The following PCDHGA5 variants were observed in gnomAD, a reference collection of about 807,000 sequenced individuals.
PCDHGA5 encodes the protein protocadherin gamma-A5.
PCDHGA5 carries 36 observed loss-of-function variants against 56.7 expected under a neutral mutation model. The ratio of observed to expected loss-of-function variants is 0.64; its 90% confidence interval spans 0.49 to 0.84. PCDHGA5 has a LOEUF of 0.84. Ranked by LOEUF, PCDHGA5 falls within the 40% of genes least tolerant of loss-of-function variation. The pLI, the probability that PCDHGA5 is intolerant of heterozygous loss-of-function variation, is 0.00. For missense variants in PCDHGA5, 1,305 were observed against 1,201.5 expected (o/e 1.09, Z -1.27); for synonymous variants, 563 against 520.2 (o/e 1.08, Z -1.12).
At chr5:141,410,516 C>T in intron 1 of PCDHGA5, 2 of 1,613,910 alleles carry the variant, frequency 1.2e-6, no homozygotes, top group Middle Eastern at 1.6e-4. Context: ...ATGCAGTGTG[C>T]CCCTACATTC....
intron 1 of PCDHGA5, chr5:141,419,497 G>A (rs1357823931): frequency 6.2e-7 from 1 of 1,612,390 alleles, no homozygotes; most frequent in South Asian, 1.1e-5. Context: ...GCGCCAATGT[G>A]AGCCTGCGCG....
At position 141,365,603 on chromosome 5, in the gene PCDHGA5, A is replaced by G. The variant is rs1198770505; in HGVS notation, c.1273A>G (p.Met425Val). The G allele has an allele frequency of 3.1e-6, 5 of 1,613,602 alleles. No individual in the cohort carries two copies. Among genetic ancestry groups the G allele is most frequent in the Non-Finnish European group, 3.4e-6 (4 of 1,179,896 alleles). ...AGATTATAATATCACTTTAACCGTC[A>G]TGGACCATGGAACCCCGCCCCTCTC... ...TSDYNITLTVMDHGTPPLSTE... is the reference protein window; with the variant it reads ...TSDYNITLTVVDHGTPPLSTE... The change falls in exon 1 of 4, where the codon ATG becomes GTG. Residue 425 changes from methionine to valine, a missense_variant. Coordinates refer to ENST00000518069, the MANE Select transcript of PCDHGA5 (RefSeq NM_018918.3).
At chr5:141,459,814 T>A (rs757306281) in intron 1 of PCDHGA5, among the ~76,000 whole-genome samples, 2 of 152,256 alleles carry the variant, frequency 1.3e-5, no homozygotes, top group African/African-American at 4.8e-5. Context: ...CTAGAGACAC[T>A]GAGCAACTTT....
At chr5:141,499,127 A>G (rs1198571084) in intron 2 of PCDHGA5, among the ~76,000 whole-genome samples, 1 of 152,134 alleles carries the variant, frequency 6.6e-6, no homozygotes, top group Non-Finnish European at 1.5e-5. Flanking sequence ...TTCTCAGGTC[A>G]TCCTTTGGGT....
Position 141,487,686 on chromosome 5 carries a change from T to G in PCDHGA5, c.2422-7121T>G, listed in dbSNP as rs778973495. The G allele has an allele frequency of 4.4e-6, 7 of 1,605,914 alleles. 1 individual carries two copies. The African/African-American group carries it at 9.4e-5, about 21-fold the overall frequency. On this transcript the variant is annotated intron_variant, in intron 1 of 3. Coordinates refer to ENST00000518069, the MANE Select transcript of PCDHGA5 (RefSeq NM_018918.3). The surrounding 1 kb of genome is among the most constrained non-coding windows in gnomAD (Gnocchi z 5.0). Reference sequence around the variant, plus strand: ...CCAGGCATATGGCTAGGCCATGTCCTAGAGAGTACTGGCCTCTCAGTAAGT... The same window carrying G: ...CCAGGCATATGGCTAGGCCATGTCCGAGAGAGTACTGGCCTCTCAGTAAGT...
At chr5:141,371,256 G>A in intron 1 of PCDHGA5, 2 of 1,614,052 alleles carry the variant, frequency 1.2e-6, no homozygotes, top group East Asian at 2.2e-5. Context: ...TGGCAAGGAA[G>A]TGAGACAACT....
chr5:141,371,119 T>A lies in PCDHGA5; in HGVS notation c.2421+4368T>A, dbSNP rs567260577. 2.4e-4 allele frequency: 393 copies of A among 1,613,958 alleles called. 4 individuals are homozygous for A. The South Asian group carries it at 3.8e-3, about 16-fold the overall frequency. ...GATGCAAATGATAACCCCCCAGTAT[T>A]TACTCAGGACATGTACAGGGTCAAT... On this transcript the variant is annotated intron_variant, in intron 1 of 3. Coordinates refer to ENST00000518069, the MANE Select transcript of PCDHGA5 (RefSeq NM_018918.3).
At chr5:141,433,208 CTTT>C (rs745329085) in intron 1 of PCDHGA5, 6 of 1,292,918 alleles carry the variant, frequency 4.6e-6, no homozygotes, top group East Asian at 2.6e-5. Flanking sequence ...AATCTTCTTT[CTTT>C]TTTTTTTTTA....
intron 1 of PCDHGA5, among the ~76,000 whole-genome samples, chr5:141,401,929 G>C (rs2094209014): frequency 6.6e-6 from 1 of 152,122 alleles, no homozygotes; most frequent in Non-Finnish European, 1.5e-5. Context: ...GTGATGCTTA[G>C]AATAATGTTT....
chr5:141,427,978 T>C (rs750753961), intron 1 of PCDHGA5: 1 of 1,595,484 alleles, frequency 6.3e-7, no homozygotes, highest in African/African-American at 1.3e-5. Flanking sequence ...TACCCCGCGC[T>C]GGGGCCCGAT....
At chr5:141,458,651 C>T (rs924873907) in intron 1 of PCDHGA5, among the ~76,000 whole-genome samples, 1 of 152,114 alleles carries the variant, frequency 6.6e-6, no homozygotes. Context: ...CTCACTGCAA[C>T]CTCCACCTCT....
Position 141,409,934 on chromosome 5 carries a change from G to A in PCDHGA5, c.2421+43183G>A. The A allele has an allele frequency of 1.9e-6, 3 of 1,613,362 alleles. No individual in the cohort carries two copies. Among genetic ancestry groups the A allele is most frequent in the South Asian group, 2.2e-5 (2 of 91,074 alleles). On this transcript the variant is annotated intron_variant, in intron 1 of 3. Transcript: ENST00000518069. ...TGACGGCTCCGCGTTCTTCGATATG[G>A]TACCTCGCTCTGCAGAGCCCGGCTA...
intron 1 of PCDHGA5, chr5:141,399,285 C>G (rs751998465): frequency 6.2e-7 from 1 of 1,613,838 alleles, no homozygotes; most frequent in Non-Finnish European, 8.5e-7. Flanking sequence ...AAGGCGAAGT[C>G]CCTTTTAAGA....
rs2099629299 is a variant in PCDHGA5, at chr5:141,486,426, A to G, written c.2422-8381A>G. ...GCTGGACCCTTGGATCGAGAGGCCA[A>G]ATCTAGCTATGACATCATGGTCACT... On this transcript the variant is annotated intron_variant, in intron 1 of 3. Transcript: ENST00000518069. The surrounding 1 kb of genome is among the most constrained non-coding windows in gnomAD (Gnocchi z 5.0). 1.9e-6 allele frequency: 3 copies of G among 1,614,190 alleles called. No individual in the cohort carries two copies. Among genetic ancestry groups the G allele is most frequent in the Non-Finnish European group, 2.5e-6 (3 of 1,180,026 alleles).
At chr5:141,413,306 A>G in intron 1 of PCDHGA5, 1 of 1,613,958 alleles carries the variant, frequency 6.2e-7, no homozygotes, top group Non-Finnish European at 8.5e-7. Context: ...GAGGAATTAG[A>G]GAAAGGCTCT....
intron 2 of PCDHGA5, among the ~76,000 whole-genome samples, chr5:141,495,700 T>A (rs2099763052): frequency 6.6e-6 from 1 of 152,228 alleles, no homozygotes; most frequent in Non-Finnish European, 1.5e-5. Flanking sequence ...GCTCAATAAA[T>A]GTGGAGTGAG....
intron 1 of PCDHGA5, chr5:141,383,514 G>C (rs778204328): frequency 6.2e-7 from 1 of 1,612,718 alleles, no homozygotes; most frequent in African/African-American, 1.3e-5. Context: ...GGGAGGAAGA[G>C]CGGGTTCACC....
intron 1 of PCDHGA5, chr5:141,395,325 G>T (rs1261775810): frequency 6.8e-7 from 1 of 1,473,892 alleles, no homozygotes; most frequent in Admixed American, 2.5e-5. Context: ...GAAGATAGTT[G>T]AAAATAATTT....
chr5:141,476,336 C>G lies in PCDHGA5; in HGVS notation c.2422-18471C>G, dbSNP rs1228900349. The G allele has an allele frequency of 2.5e-6, 4 of 1,614,008 alleles. No individual in the cohort carries two copies. The highest frequency in any genetic ancestry group is 2.2e-5 in the East Asian group (1 of 44,854). ...GTTCCGGGTGGTGTCTGGAGCTAGC[C>G]GAAGATTCTTTGAGGTGAACCGGGA... On this transcript the variant is annotated intron_variant, in intron 1 of 3. Coordinates refer to ENST00000518069, the MANE Select transcript of PCDHGA5 (RefSeq NM_018918.3). The surrounding 1 kb of genome is among the most constrained non-coding windows in gnomAD (Gnocchi z 7.6).
Sources: allele counts gnomAD v4.1 joint callset (sites outside exome capture counted in the v4.1 genomes callset), GRCh38; gene constraint gnomAD v4.1.1; non-coding constraint Gnocchi (gnomAD v3.1); transcripts MANE v1.5; gene names NCBI Gene and HGNC (gene_info 2026-07-23, HGNC 2026-07-21).